The following MAGI2 variants were observed in gnomAD, a reference collection of about 807,000 sequenced individuals.
The protein encoded by MAGI2 is membrane associated guanylate kinase, WW and PDZ domain containing 2, also known as membrane-associated guanylate kinase, WW and PDZ domain-containing protein 2.
MAGI2 carries 35 observed loss-of-function variants against 133.3 expected under a neutral mutation model. The observed-to-expected ratio is 0.26, with a 90% CI of 0.20 to 0.35. The LOEUF (loss-of-function observed/expected upper bound fraction) is 0.35. MAGI2 is among the 10% of genes least tolerant of loss of function. The probability of loss-of-function intolerance (pLI) is 1.00; values close to 1 mark genes in which losing one functional copy is unlikely to be tolerated. For synonymous variants in MAGI2, 729 were observed against 710.6 expected (o/e 1.03, Z -0.41); for missense variants, 1,636 against 1,863.4 (o/e 0.88, Z 2.25).
intron 1 of MAGI2, among the ~76,000 whole-genome samples, chr7:79,278,008 C>T (rs920756214): frequency 2.0e-5 from 3 of 152,198 alleles, no homozygotes; most frequent in East Asian, 3.9e-4. Context: ...ATTAGCTCAC[C>T]GACATGATTT....
At chr7:78,142,196 C>T (rs1275725458) in intron 16 of MAGI2, among the ~76,000 whole-genome samples, 4 of 152,148 alleles carry the variant, frequency 2.6e-5, no homozygotes, top group African/African-American at 7.2e-5. Context: ...TCACCTGTCA[C>T]CAGCTTGATA....
chr7:78,384,677 A>C (rs1464852799), intron 6 of MAGI2, among the ~76,000 whole-genome samples: 6 of 152,194 alleles, frequency 3.9e-5, no homozygotes, highest in African/African-American at 1.4e-4. Flanking sequence ...TACTGTTTAA[A>C]ATCTCTGGGG....
chr7:78,419,622 A>G (rs975626728), intron 6 of MAGI2, among the ~76,000 whole-genome samples: 3 of 133,228 alleles, frequency 2.3e-5, no homozygotes, highest in African/African-American at 8.4e-5. Context: ...TTTTTTTTTT[A>G]AGGGAAAGGG....
At chr7:78,684,842 T>A (rs994168261) in intron 2 of MAGI2, among the ~76,000 whole-genome samples, 19 of 152,300 alleles carry the variant, frequency 1.2e-4, no homozygotes, top group African/African-American at 4.3e-4. Context: ...TCAGAAATTC[T>A]ACCTTGGCCA....
At chr7:79,331,883 A>C (rs1209405980) in intron 1 of MAGI2, among the ~76,000 whole-genome samples, 1 of 152,038 alleles carries the variant, frequency 6.6e-6, no homozygotes, top group African/African-American at 2.4e-5. Flanking sequence ...CCAGCATGGC[A>C]CATGTATACA....
intron 14 of MAGI2, among the ~76,000 whole-genome samples, chr7:78,172,132 G>A (rs986262402): frequency 2.0e-5 from 3 of 152,052 alleles, no homozygotes; most frequent in Admixed American, 1.3e-4. Flanking sequence ...AAGTGGCTGC[G>A]GTGCCAGTAA....
At chr7:78,363,104 A>G (rs997343719) in intron 7 of MAGI2, among the ~76,000 whole-genome samples, 7 of 152,236 alleles carry the variant, frequency 4.6e-5, no homozygotes, top group Non-Finnish European at 1.0e-4. Flanking sequence ...ATGAGATGAT[A>G]CATATTCTAG....
chr7:78,719,451 A>T (rs1820043602), intron 2 of MAGI2, among the ~76,000 whole-genome samples: 2 of 152,218 alleles, frequency 1.3e-5, no homozygotes, highest in African/African-American at 4.8e-5. Flanking sequence ...ATGTTCTCCA[A>T]AAGTTTACAG....
chr7:78,506,970 G>A (rs975271636), intron 4 of MAGI2, among the ~76,000 whole-genome samples: 7 of 152,168 alleles, frequency 4.6e-5, no homozygotes, highest in Non-Finnish European at 8.8e-5. Flanking sequence ...ATTTGTTGAT[G>A]TATCAGAGAT....
intron 1 of MAGI2, chr7:79,410,659 T>C (rs1321038207): frequency 6.6e-6 from 1 of 152,066 alleles, no homozygotes; most frequent in African/African-American, 2.4e-5. Flanking sequence ...AAAAAGATAT[T>C]TAGTATTACC....
intron 12 of MAGI2, among the ~76,000 whole-genome samples, chr7:78,186,906 T>C (rs551982978): frequency 3.1e-4 from 47 of 152,258 alleles, no homozygotes; most frequent in Non-Finnish European, 5.9e-4. Context: ...GTTCTGTCAG[T>C]AGAGAATTTC....
intron 1 of MAGI2, among the ~76,000 whole-genome samples, chr7:79,013,861 A>C (rs1237262945): frequency 1.3e-5 from 2 of 152,148 alleles, no homozygotes; most frequent in Non-Finnish European, 1.5e-5. Context: ...GAAAGCCATA[A>C]AGCTCATTGA....
At chr7:78,209,028 T>C (rs1239219927) in intron 10 of MAGI2, among the ~76,000 whole-genome samples, 47 of 149,318 alleles carry the variant, frequency 3.1e-4, no homozygotes, top group South Asian at 3.0e-3. Context: ...CGAGACCATC[T>C]GGGCTAACAC....
chr7:78,172,646 C>T (rs1007930419), intron 14 of MAGI2, among the ~76,000 whole-genome samples: 3 of 152,202 alleles, frequency 2.0e-5, no homozygotes, highest in Non-Finnish European at 4.4e-5. Context: ...GAAAGCCGTG[C>T]TGTTGTGTTT....
At chr7:78,255,505 G>T (rs1018105088) in intron 10 of MAGI2, 2 of 313,264 alleles carry the variant, frequency 6.4e-6, no homozygotes. Context: ...GGGCTTAGTA[G>T]GGGTTGAACT....
At chr7:78,363,923 T>C (rs921419606) in intron 7 of MAGI2, among the ~76,000 whole-genome samples, 9 of 152,256 alleles carry the variant, frequency 5.9e-5, no homozygotes, top group Non-Finnish European at 1.2e-4. Context: ...TTAAATCAGC[T>C]AGTACATGTA....
chr7:79,233,775 G>C, intron 1 of MAGI2, among the ~76,000 whole-genome samples: 2 of 132,816 alleles, frequency 1.5e-5, no homozygotes, highest in African/African-American at 5.7e-5. Flanking sequence ...CTTTTAATTG[G>C]AGCATTTAGT....
intron 1 of MAGI2, among the ~76,000 whole-genome samples, chr7:79,040,080 A>T (rs1429332408): frequency 6.6e-6 from 1 of 151,916 alleles, no homozygotes; most frequent in Non-Finnish European, 1.5e-5. Context: ...TAATCTTCGC[A>T]ATCCCTATAG....
intron 6 of MAGI2, among the ~76,000 whole-genome samples, chr7:78,408,333 T>G (rs1316757206): frequency 1.3e-5 from 2 of 152,026 alleles, no homozygotes; most frequent in African/African-American, 4.8e-5. Flanking sequence ...AAAACACATT[T>G]ATACTTTATC....
Sources: gnomAD v4.1 joint callset for allele counts (sites outside exome capture counted in the v4.1 genomes callset) on GRCh38, gnomAD v4.1.1 for gene constraint, MANE v1.5 for transcripts, NCBI Gene and HGNC (gene_info 2026-07-23, HGNC 2026-07-21) for gene names.